Variants in FRMPD4 observed in about 807,000 individuals in gnomAD.
The protein encoded by FRMPD4 is FERM and PDZ domain-containing protein 4.
A neutral mutation model predicts 94.1 loss-of-function variants in FRMPD4; 22 were observed. That is an observed-to-expected ratio of 0.23 (90% CI 0.17 to 0.33). The LOEUF (loss-of-function observed/expected upper bound fraction) is 0.33. Among genes scored for constraint, FRMPD4 ranks in the 10% least tolerant of loss-of-function variants. The pLI is 1.00. For synonymous variants in FRMPD4, 631 were observed against 548.6 expected (o/e 1.15, Z -2.10); for missense variants, 1,111 against 1,339.9 (o/e 0.83, Z 2.67).
chrX:11,978,516 T>C (rs371644870), intron 3 of FRMPD4, among the ~76,000 whole-genome samples: 2 of 110,487 alleles, frequency 1.8e-5, no homozygotes, highest in African/African-American at 6.6e-5. Flanking sequence ...CATTTGGCAT[T>C]GGAAACCAAT....
chrX:12,548,938 A>G lies in FRMPD4; in HGVS notation c.158+50142A>G, dbSNP rs768776402. On this transcript the variant is annotated intron_variant, in intron 2 of 16. Transcript: ENST00000675598. ...TGATCCTTCATAATGAGTTCCTCCC[A>G]GAGGTGGCTCAGCACCTTGGACAGT... 9.8e-5 allele frequency among the ~76,000 whole-genome samples: 11 copies of G among 111,709 alleles called. No individual in the cohort carries two copies. In the South Asian group the frequency reaches 2.7e-3, roughly 27 times the overall value.
intron 1 of FRMPD4, among the ~76,000 whole-genome samples, chrX:11,852,214 C>A (rs1461956240): frequency 1.8e-5 from 2 of 109,939 alleles, no homozygotes; most frequent in Admixed American, 1.9e-4. Flanking sequence ...AACATCTGGG[C>A]CACACAATCT....
At chrX:12,562,887 C>T (rs2058672565) in intron 2 of FRMPD4, among the ~76,000 whole-genome samples, 1 of 112,264 alleles carries the variant, frequency 8.9e-6, no homozygotes, top group South Asian at 3.7e-4. Flanking sequence ...TGGGCTCAAG[C>T]GATCCTCCTG....
In FRMPD4 at chrX:12,253,006, A is replaced by G. The variant is rs534780798; in HGVS notation, c.41+113994A>G. Among the ~76,000 whole-genome samples the G allele has an allele frequency of 2.7e-5, 3 of 112,488 alleles. No homozygotes were observed. In the South Asian group the frequency reaches 1.1e-3, roughly 42 times the overall value. On this transcript the variant is annotated intron_variant, in intron 1 of 16. Coordinates refer to ENST00000675598, the MANE Select transcript of FRMPD4 (RefSeq NM_001368397.1). ...ATTTCAGCTATGTATGAGAACATCCAGAGGACAGAACAGATGCAGTGGAAA... is the reference window on the plus strand; with the variant it reads ...ATTTCAGCTATGTATGAGAACATCCGGAGGACAGAACAGATGCAGTGGAAA...
intron 1 of FRMPD4, among the ~76,000 whole-genome samples, chrX:12,318,726 A>G (rs1240460362): frequency 9.0e-6 from 1 of 111,279 alleles, no homozygotes; most frequent in Non-Finnish European, 1.9e-5. Context: ...GGGTGTCTAT[A>G]GTTAACAATA....
At chrX:12,152,819 AT>A (rs11463247) in intron 1 of FRMPD4, among the ~76,000 whole-genome samples, 28 of 107,429 alleles carry the variant, frequency 2.6e-4, no homozygotes, top group African/African-American at 3.7e-4. Flanking sequence ...TTCTGAAGCA[AT>A]TTTTTTTTTC....
chrX:12,477,235 C>A (rs2407853), intron 1 of FRMPD4, among the ~76,000 whole-genome samples: 22 of 110,849 alleles, frequency 2.0e-4, no homozygotes, highest in Non-Finnish European at 3.6e-4. Context: ...TGTTCTCACT[C>A]GTAGGTGGGG....
intron 1 of FRMPD4, among the ~76,000 whole-genome samples, chrX:12,426,733 A>C (rs1372125627): frequency 9.0e-6 from 1 of 111,498 alleles, no homozygotes; most frequent in East Asian, 2.8e-4. Context: ...GCTCATGAAG[A>C]ACACTCCTAT....
At chrX:12,468,788 G>A (rs942709024) in intron 1 of FRMPD4, among the ~76,000 whole-genome samples, 2 of 111,840 alleles carry the variant, frequency 1.8e-5, no homozygotes, top group Admixed American at 1.9e-4. Flanking sequence ...TCCCTTGAAA[G>A]CACACAGAAA....
chrX:12,255,570 GCCTT>G (rs2054102421), intron 1 of FRMPD4, among the ~76,000 whole-genome samples: 1 of 111,782 alleles, frequency 8.9e-6, no homozygotes, highest in Non-Finnish European at 1.9e-5. Context: ...CTGTTATCGG[GCCTT>G]CCTTAAAATG....
At position 12,250,022 on chromosome X, in the gene FRMPD4, TTCTCTC is replaced by T. The variant is rs3835008; in HGVS notation, c.41+111032_41+111037del. Among the ~76,000 whole-genome samples the T allele has an allele frequency of 3.6e-4, 35 of 97,448 alleles. No homozygotes were observed. In the South Asian group the frequency reaches 4.8e-3, roughly 13 times the overall value. 84.6% of individuals were successfully genotyped at this position (97,448 alleles called of 115,157 possible). On this transcript the variant is annotated intron_variant, in intron 1 of 16. Transcript: ENST00000675598. ...TTGGGTTTAATTATTAATTATGGTA[TTCTCTC>T]TCTCTCTCTCTCTCTCTCTCTGTGT...
chrX:12,117,400 A>G (rs1419531317), intron 3 of FRMPD4, among the ~76,000 whole-genome samples: 1 of 110,882 alleles, frequency 9.0e-6, no homozygotes, highest in Non-Finnish European at 1.9e-5. Flanking sequence ...ATCTTTATTT[A>G]TAATGTTGCC....
chrX:11,886,927 C>T (rs962097947), intron 3 of FRMPD4, among the ~76,000 whole-genome samples: 3 of 110,451 alleles, frequency 2.7e-5, no homozygotes, highest in Admixed American at 9.7e-5. Context: ...TTCCTGATGA[C>T]CTCACCTAAA....
intron 1 of FRMPD4, among the ~76,000 whole-genome samples, chrX:12,192,179 T>C (rs1008261192): frequency 8.9e-6 from 1 of 112,114 alleles, no homozygotes; most frequent in Non-Finnish European, 1.9e-5. Context: ...GTCTCTTGTC[T>C]GCTGGTTGAA....
intron 1 of FRMPD4, among the ~76,000 whole-genome samples, chrX:12,263,418 A>C (rs1282807304): frequency 9.0e-6 from 1 of 111,688 alleles, no homozygotes; most frequent in African/African-American, 3.3e-5. Context: ...GTCATCAGTG[A>C]GGTAGGGACA....
At chrX:11,979,122 C>G (rs1182143659) in intron 3 of FRMPD4, among the ~76,000 whole-genome samples, 1 of 111,553 alleles carries the variant, frequency 9.0e-6, no homozygotes, top group Non-Finnish European at 1.9e-5. Context: ...CTTCATGCCA[C>G]TCCCCAAGTA....
At chrX:12,501,960 A>T (rs1167587580) in intron 2 of FRMPD4, among the ~76,000 whole-genome samples, 1 of 112,026 alleles carries the variant, frequency 8.9e-6, no homozygotes, top group Non-Finnish European at 1.9e-5. Flanking sequence ...ACGGGGTTAA[A>T]TGAAGGATGC....
chrX:12,032,663 G>A (rs1241135280), intron 3 of FRMPD4, among the ~76,000 whole-genome samples: 3 of 112,239 alleles, frequency 2.7e-5, no homozygotes, highest in African/African-American at 9.7e-5. Context: ...CAAATGGAGA[G>A]ACTAGCCTTA....
chrX:12,115,641 TTTC>T (rs2055402202), intron 3 of FRMPD4, among the ~76,000 whole-genome samples: 3 of 110,249 alleles, frequency 2.7e-5, no homozygotes, highest in Admixed American at 9.7e-5. Flanking sequence ...CTTTTTTTTT[TTTC>T]TTCCTCACTT....
Sources: gnomAD v4.1 joint callset for allele counts (sites outside exome capture counted in the v4.1 genomes callset) on GRCh38, gnomAD v4.1.1 for gene constraint, MANE v1.5 for transcripts, NCBI Gene and HGNC (gene_info 2026-07-23, HGNC 2026-07-21) for gene names.